N4BP2: variants seen among roughly 807,000 people sequenced by gnomAD.
The protein encoded by N4BP2 is NEDD4 binding protein 2.
N4BP2 carries 91 observed loss-of-function variants against 152.8 expected under a neutral mutation model. That is an observed-to-expected ratio of 0.60 (90% CI 0.50 to 0.71). The LOEUF is 0.71. N4BP2 is among the 30% of genes least tolerant of loss of function. N4BP2 has a pLI of 0.00. For missense variants in N4BP2, 1,923 were observed against 2,059.1 expected (o/e 0.93, Z 1.28); for synonymous variants, 646 against 705.3 (o/e 0.92, Z 1.33).
intron 3 of N4BP2, among the ~76,000 whole-genome samples, chr4:40,098,234 A>G (rs536651741): frequency 6.6e-6 from 1 of 152,364 alleles, no homozygotes; most frequent in African/African-American, 2.4e-5. Flanking sequence ...GTATAATTTC[A>G]AAACATTGAC....
intron 2 of N4BP2, among the ~76,000 whole-genome samples, chr4:40,087,451 C>A (rs1438024581): frequency 6.6e-6 from 1 of 152,094 alleles, no homozygotes. Context: ...GCAACCTCTA[C>A]CTCCTGGATT....
At chr4:40,078,112 AAT>A in intron 2 of N4BP2, 1 of 92,786 alleles carries the variant, frequency 1.1e-5, no homozygotes, top group East Asian at 4.7e-4. Flanking sequence ...AATATTTCTA[AAT>A]GTGTGTGTGT....
At chr4:40,111,905 C>T (rs1270062824) in intron 5 of N4BP2, among the ~76,000 whole-genome samples, 179 bp from the exon 6 acceptor site, 1 of 152,226 alleles carries the variant, frequency 6.6e-6, no homozygotes, top group Non-Finnish European at 1.5e-5. Context: ...CATGAGCCAC[C>T]ATGCCCAGCC....
At chr4:40,111,650 C>G (rs1001903283) in intron 5 of N4BP2, among the ~76,000 whole-genome samples, 2 of 151,830 alleles carry the variant, frequency 1.3e-5, no homozygotes, top group Non-Finnish European at 2.9e-5. Context: ...GAGTCTTACT[C>G]TGTTGCCCAG....
At chr4:40,164,190 A>G in the N4BP2 span, among the ~76,000 whole-genome samples, 2 of 152,186 alleles carry the variant, frequency 1.3e-5, no homozygotes, top group African/African-American at 4.8e-5. Flanking sequence ...GGGGGCTGAT[A>G]GACTGGAATA....
chr4:40,181,216 T>C, the N4BP2 span, among the ~76,000 whole-genome samples: 1 of 152,148 alleles, frequency 6.6e-6, no homozygotes, highest in African/African-American at 2.4e-5. Flanking sequence ...AAAATAGTCA[T>C]TGGTGGCTCT....
chr4:40,140,317 A>G (rs1345430062), intron 14 of N4BP2, among the ~76,000 whole-genome samples: 1 of 152,218 alleles, frequency 6.6e-6, no homozygotes, highest in Non-Finnish European at 1.5e-5. Context: ...AGATAGATGC[A>G]GCATATTATA....
chr4:40,177,644 A>G, the N4BP2 span, among the ~76,000 whole-genome samples: 3 of 152,052 alleles, frequency 2.0e-5, no homozygotes, highest in African/African-American at 7.2e-5. Context: ...GAAGAAAAAA[A>G]ATAAAGACTT....
intron 1 of N4BP2, among the ~76,000 whole-genome samples, chr4:40,071,539 G>T (rs1460669974): frequency 1.3e-5 from 2 of 152,048 alleles, no homozygotes; most frequent in African/African-American, 4.8e-5. Flanking sequence ...TAATCTATAG[G>T]GTGGTACTTT....
chr4:40,085,135 A>T (rs1390104627), intron 2 of N4BP2, among the ~76,000 whole-genome samples: 2 of 149,784 alleles, frequency 1.3e-5, no homozygotes, highest in African/African-American at 2.5e-5. Flanking sequence ...CTGGTCTTGA[A>T]CTTCTGACCT....
intron 16 of N4BP2, among the ~76,000 whole-genome samples, chr4:40,150,607 G>C (rs544095979): frequency 1.3e-5 from 2 of 151,928 alleles, no homozygotes; most frequent in South Asian, 4.2e-4. Context: ...GGAGTCAGAG[G>C]CTGCAGTGAA....
chr4:40,125,377 CTT>C (rs1718294045), intron 11 of N4BP2, among the ~76,000 whole-genome samples: 2 of 152,312 alleles, frequency 1.3e-5, no homozygotes, highest in Admixed American at 1.3e-4. Context: ...TTTGCCCACT[CTT>C]TATTGTGTGC....
intron 2 of N4BP2, among the ~76,000 whole-genome samples, chr4:40,076,074 C>T (rs945494349): frequency 6.6e-5 from 10 of 152,212 alleles, no homozygotes; most frequent in Admixed American, 6.5e-4. Flanking sequence ...AATCCTCCTC[C>T]TTTGGCTTCC....
chr4:40,057,267 C>T (rs1477677695), intron 1 of N4BP2: 1 of 152,318 alleles, frequency 6.6e-6, no homozygotes, highest in East Asian at 1.9e-4. Flanking sequence ...CCCTGGCGCT[C>T]AGCCCGAGGC....
intron 2 of N4BP2, among the ~76,000 whole-genome samples, chr4:40,074,466 CCCA>C (rs1712528476): frequency 6.6e-6 from 1 of 151,980 alleles, no homozygotes; most frequent in Non-Finnish European, 1.5e-5. Flanking sequence ...GCCTCGGCCT[CCCA>C]AAGTGCTGGG....
At chr4:40,126,427 T>G (rs941395816) in intron 12 of N4BP2, 97 bp downstream of exon 12, 3 of 598,422 alleles carry the variant, frequency 5.0e-6, no homozygotes, top group Non-Finnish European at 8.3e-6. Context: ...TAGTCTAGAA[T>G]CCATATTTAA....
In N4BP2 at chr4:40,120,076, T is replaced by C; in HGVS notation, c.1965T>C (p.Asn655=). The C allele has an allele frequency of 3.7e-6, 6 of 1,612,358 alleles. No homozygotes were observed. The highest frequency in any genetic ancestry group is 5.1e-6 in the Non-Finnish European group (6 of 1,179,084). The part of the protein sequence containing the change: ...MLPENVAYLS[N]ADLNKRRKEI... The stretch of plus-strand genomic sequence containing the variant: ...CTGAGAATGTTGCATATCTCTCTAA[T>C]GCAGATTTAAACAAAAGAAGAAAAG... Residue 655 remains asparagine, a synonymous_variant, in exon 9 of 18, where the codon AAT becomes AAC. Coordinates refer to ENST00000261435, the MANE Select transcript of N4BP2 (RefSeq NM_018177.6).
chr4:40,065,745 C>T (rs1733990084), intron 1 of N4BP2, among the ~76,000 whole-genome samples: 1 of 151,990 alleles, frequency 6.6e-6, no homozygotes, highest in African/African-American at 2.4e-5. Flanking sequence ...TCTTCCAATG[C>T]AGGGATTTGA....
chr4:40,184,006 G>A, the N4BP2 span, among the ~76,000 whole-genome samples: 1 of 152,222 alleles, frequency 6.6e-6, no homozygotes, highest in African/African-American at 2.4e-5. Flanking sequence ...TTTCGTTGAT[G>A]AGGACTGGGT....
Sources: allele counts gnomAD v4.1 joint callset (sites outside exome capture counted in the v4.1 genomes callset), GRCh38; gene constraint gnomAD v4.1.1; transcripts MANE v1.5; gene names NCBI Gene and HGNC (gene_info 2026-07-23, HGNC 2026-07-21).